Variants in FAM168B observed in about 807,000 individuals in gnomAD.
The protein encoded by FAM168B is myelin-associated neurite-outgrowth inhibitor.
Under a neutral mutation model 21.8 loss-of-function variants are expected in FAM168B, and 19 were observed. The observed-to-expected ratio is 0.87, with a 90% CI of 0.61 to 1.28. The LOEUF is 1.28. Ranked by LOEUF, FAM168B falls within the 50% of genes most tolerant of loss-of-function variation. The pLI, the probability that FAM168B is intolerant of heterozygous loss-of-function variation, is 0.00. For synonymous variants in FAM168B, 126 were observed against 104.8 expected (o/e 1.20, Z -1.24); for missense variants, 233 against 263.1 (o/e 0.89, Z 0.79).
At position 131,048,045 on chromosome 2, in the gene FAM168B, C is replaced by T. The variant is rs972769467; in HGVS notation, c.*4420G>A. The T allele has an allele frequency of 1.2e-5, 6 of 481,668 alleles. No homozygotes were observed. The East Asian group carries it at 4.0e-4, about 32-fold the overall frequency. 29.8% of individuals were successfully genotyped at this position (481,668 alleles called of 1,614,324 possible). ...ACTGAACTGGCTCAGGATGGAAATT[C>T]CATTCCTTGGCATGGATACGTAAGT... On this transcript the variant is annotated 3_prime_UTR_variant, in exon 7 of 7. Coordinates refer to ENST00000389915, the MANE Select transcript of FAM168B (RefSeq NM_001009993.4).
Position 131,049,052 on chromosome 2 carries a change from A to G in FAM168B, c.*3413T>C. On this transcript the variant is annotated 3_prime_UTR_variant, in exon 7 of 7. Transcript: ENST00000389915. ...AGACACCAATACTTACATAACTAGTACATGTTGGCCTTTCACCAGCACTCA... is the reference window on the plus strand; with the variant it reads ...AGACACCAATACTTACATAACTAGTGCATGTTGGCCTTTCACCAGCACTCA... 1.0e-6 allele frequency: 1 copy of G among 985,500 alleles called. No individual in the cohort carries two copies. The highest frequency in any genetic ancestry group is 1.2e-6 in the Non-Finnish European group (1 of 829,952). The allele number at this position is 985,500 out of a possible 1,614,324, so 61.0% of individuals were successfully genotyped here. A position where few individuals can be genotyped will look rare whatever the true frequency, so the allele number is the denominator to read the frequency against.
intron 2 of FAM168B, among the ~76,000 whole-genome samples, chr2:131,078,714 C>A (rs1452750978): frequency 6.6e-6 from 1 of 152,156 alleles, no homozygotes; most frequent in Non-Finnish European, 1.5e-5. Flanking sequence ...CTAGGCCGGG[C>A]ACAGTGGCTC....
intron 1 of FAM168B, among the ~76,000 whole-genome samples, chr2:131,092,697 G>A (rs948913924): frequency 2.0e-5 from 3 of 152,080 alleles, no homozygotes; most frequent in Non-Finnish European, 4.4e-5. Context: ...TTTTTTCAAA[G>A]TTAACCCAGG....
chr2:131,060,040 G>C (rs916555190), intron 3 of FAM168B, among the ~76,000 whole-genome samples: 1 of 151,440 alleles, frequency 6.6e-6, no homozygotes, highest in African/African-American at 2.4e-5. Context: ...TTTTTTTTTG[G>C]ATGGAGTCTC....
Position 131,048,526 on chromosome 2 carries a change from G to A in FAM168B, c.*3939C>T, listed in dbSNP as rs1218697726. On this transcript the variant is annotated 3_prime_UTR_variant, in exon 7 of 7. Transcript: ENST00000389915. ...ACAGGCTCTCTCTTCTTCAAATAATGAGTAGGAAAAAGAGACAAACTTTCT... is the reference window on the plus strand; with the variant it reads ...ACAGGCTCTCTCTTCTTCAAATAATAAGTAGGAAAAAGAGACAAACTTTCT... The A allele has an allele frequency of 8.9e-7, 1 of 1,119,612 alleles. No individual in the cohort carries two copies. Among genetic ancestry groups the A allele is most frequent in the Non-Finnish European group, 1.1e-6 (1 of 897,508 alleles). 69.4% of individuals were successfully genotyped at this position (1,119,612 alleles called of 1,614,324 possible).
At chr2:131,087,145 G>A (rs1693749687) in intron 1 of FAM168B, among the ~76,000 whole-genome samples, 1 of 151,300 alleles carries the variant, frequency 6.6e-6, no homozygotes, top group Non-Finnish European at 1.5e-5. Context: ...ATTCTGTGGA[G>A]GAGGGAAGAA....
intron 2 of FAM168B, among the ~76,000 whole-genome samples, chr2:131,081,080 T>C (rs372432921): frequency 2.6e-5 from 4 of 152,220 alleles, no homozygotes; most frequent in African/African-American, 9.6e-5. Context: ...TCTGGTTCTC[T>C]CTTAACCAGT....
chr2:131,085,950 ATAAG>A (rs1313764193), intron 1 of FAM168B, among the ~76,000 whole-genome samples: 3 of 152,212 alleles, frequency 2.0e-5, no homozygotes, highest in South Asian at 2.1e-4. Context: ...TAACTTCAAC[ATAAG>A]TAGTCACATG....
chr2:131,073,523 G>A (rs775385142), intron 2 of FAM168B, among the ~76,000 whole-genome samples: 3 of 152,054 alleles, frequency 2.0e-5, no homozygotes, highest in Non-Finnish European at 4.4e-5. Context: ...AATAGGTGAC[G>A]GCTTTATTAT....
intron 1 of FAM168B, among the ~76,000 whole-genome samples, chr2:131,083,140 G>C (rs1693503954): frequency 6.6e-6 from 1 of 152,108 alleles, no homozygotes; most frequent in Non-Finnish European, 1.5e-5. Context: ...GGAATCATGA[G>C]GTCAGGAGAC....
intron 3 of FAM168B, among the ~76,000 whole-genome samples, chr2:131,068,718 G>A (rs576781064): frequency 2.0e-5 from 3 of 152,250 alleles, no homozygotes; most frequent in Non-Finnish European, 2.9e-5. Context: ...AGAGATGTTC[G>A]AGAAGATGGG....
chr2:131,086,960 G>C (rs1468922216), intron 1 of FAM168B, among the ~76,000 whole-genome samples: 1 of 127,000 alleles, frequency 7.9e-6, no homozygotes, highest in Non-Finnish European at 1.5e-5. Flanking sequence ...AGCTACTCGG[G>C]AGGCTGAGGC....
At chr2:131,073,095 GTTC>G (rs1692955753) in intron 2 of FAM168B, among the ~76,000 whole-genome samples, 1 of 151,798 alleles carries the variant, frequency 6.6e-6, no homozygotes, top group Admixed American at 6.6e-5. Flanking sequence ...ACATTCTGAT[GTTC>G]TTTTTTTTTT....
At chr2:131,086,970 C>T (rs1693736148) in intron 1 of FAM168B, among the ~76,000 whole-genome samples, 1 of 117,302 alleles carries the variant, frequency 8.5e-6, no homozygotes, top group Non-Finnish European at 1.6e-5. Context: ...GAGGCTGAGG[C>T]AGGAGAATGG....
intron 2 of FAM168B, among the ~76,000 whole-genome samples, chr2:131,080,053 G>A (rs1290812835): frequency 6.6e-6 from 1 of 151,886 alleles, no homozygotes; most frequent in Non-Finnish European, 1.5e-5. Context: ...GGAGGCAGAG[G>A]TTGCAGTGAG....
At chr2:131,082,189 C>T (rs1205917460) in intron 2 of FAM168B, among the ~76,000 whole-genome samples, 1 of 152,150 alleles carries the variant, frequency 6.6e-6, no homozygotes, top group Non-Finnish European at 1.5e-5. Context: ...AAGCCCAGGA[C>T]TGGTTTGAAT....
intron 1 of FAM168B, among the ~76,000 whole-genome samples, chr2:131,088,361 G>C (rs1227273509): frequency 1.3e-5 from 2 of 151,854 alleles, no homozygotes; most frequent in African/African-American, 4.8e-5. Flanking sequence ...AACCCCAAAA[G>C]TGGGACATTC....
chr2:131,070,001 G>A (rs950097056), intron 3 of FAM168B, among the ~76,000 whole-genome samples: 7 of 151,618 alleles, frequency 4.6e-5, no homozygotes, highest in African/African-American at 1.7e-4. Flanking sequence ...CGGGATTACC[G>A]GAGTGCGCCT....
chr2:131,069,185 A>G (rs1692729775), intron 3 of FAM168B, among the ~76,000 whole-genome samples: 1 of 152,248 alleles, frequency 6.6e-6, no homozygotes, highest in Admixed American at 6.5e-5. Flanking sequence ...TTCTTCTTGT[A>G]AAATAAAAAA....
Sources: allele counts gnomAD v4.1 joint callset (sites outside exome capture counted in the v4.1 genomes callset), GRCh38; gene constraint gnomAD v4.1.1; transcripts MANE v1.5; gene names NCBI Gene and HGNC (gene_info 2026-07-23, HGNC 2026-07-21).